Variants in GORASP1 observed in about 807,000 individuals in gnomAD.
GORASP1 encodes Golgi reassembly-stacking protein 1.
GORASP1 carries 31 observed loss-of-function variants against 37.7 expected under a neutral mutation model. The observed-to-expected ratio is 0.82, with a 90% CI of 0.62 to 1.11. The LOEUF (loss-of-function observed/expected upper bound fraction) is 1.11, where lower values mean the gene tolerates loss of function less well. GORASP1 is among the 50% of genes least tolerant of loss of function. The pLI is 0.00. For synonymous variants in GORASP1, 204 were observed against 224.8 expected (o/e 0.91, Z 0.83); for missense variants, 476 against 560.7 (o/e 0.85, Z 1.53).
Position 39,098,515 on chromosome 3 carries a change from G to A in GORASP1, c.1070-26C>T. ...CTGCAACACAGAAGATCAGGCTGAG[G>A]AGGTCTGCAAGAACCTAGGGCCATG... On this transcript the variant is annotated intron_variant, in intron 8 of 8. Coordinates refer to ENST00000319283, the MANE Select transcript of GORASP1 (RefSeq NM_031899.4). The surrounding 1 kb of genome is among the most constrained non-coding windows in gnomAD (Gnocchi z 4.7). 6.3e-7 allele frequency: 1 copy of A among 1,598,502 alleles called. No individual in the cohort carries two copies. Among genetic ancestry groups the A allele is most frequent in the Non-Finnish European group, 8.5e-7 (1 of 1,171,508 alleles).
chr3:39,103,838 T>G lies in GORASP1; in HGVS notation c.64-285A>C. ...CCTTAGGGGCTCCCAGGAGGCAATA[T>G]GGAGACAGGCTGGCCCAGGCCTGTG... On this transcript the variant is annotated intron_variant, in intron 1 of 8. Transcript: ENST00000319283. The surrounding 1 kb of genome is among the most constrained non-coding windows in gnomAD (Gnocchi z 5.2). 2.9e-6 allele frequency: 1 copy of G among 340,176 alleles called. No homozygotes were observed. Among genetic ancestry groups the G allele is most frequent in the South Asian group, 5.4e-5 (1 of 18,362 alleles). 21.1% of individuals were successfully genotyped at this position (340,176 alleles called of 1,614,324 possible).
In GORASP1 at chr3:39,101,375, A is replaced by C. The variant is rs186150843; in HGVS notation, c.349-273T>G. 8.6e-4 allele frequency: 501 copies of C among 584,262 alleles called. 1 individual carries two copies. The African/African-American group carries it at 8.8e-3, about 10-fold the overall frequency. 36.2% of individuals were successfully genotyped at this position (584,262 alleles called of 1,614,324 possible). On this transcript the variant is annotated intron_variant, in intron 3 of 8. Coordinates refer to ENST00000319283, the MANE Select transcript of GORASP1 (RefSeq NM_031899.4). ...GCTCAACCCCTGGCTCCAGCTGCCCAGCTATATGACTATAAACACATTATT... is the reference window on the plus strand; with the variant it reads ...GCTCAACCCCTGGCTCCAGCTGCCCCGCTATATGACTATAAACACATTATT...
intron 1 of GORASP1, among the ~76,000 whole-genome samples, chr3:39,106,145 T>G (rs1054032280): frequency 2.0e-5 from 3 of 152,188 alleles, no homozygotes; most frequent in Non-Finnish European, 4.4e-5. Flanking sequence ...ATCATCCAAA[T>G]GTCAGCTCCA....
rs760713395 is a variant in GORASP1 at position 39,100,546 on chromosome 3, G to A, written c.567-43C>T. 13 of 1,520,886 alleles carry A rather than the reference G, an allele frequency of 8.5e-6. No homozygotes were observed. The highest frequency in any genetic ancestry group is 2.1e-5 in the Admixed American group (1 of 46,530). The allele number at this position is 1,520,886 out of a possible 1,614,324, so 94.2% of individuals were successfully genotyped here. A position where few individuals can be genotyped will look rare whatever the true frequency, so the allele number is the denominator to read the frequency against. ...CATTCAATCCAGGGGCTTGTCCCAC[G>A]GCCCTCCCTACCTTTGCTATCCCCA... On this transcript the variant is annotated intron_variant, in intron 5 of 8. Coordinates refer to ENST00000319283, the MANE Select transcript of GORASP1 (RefSeq NM_031899.4). The surrounding 1 kb of genome is among the most constrained non-coding windows in gnomAD (Gnocchi z 4.6).
chr3:39,102,931 G>C lies in GORASP1; in HGVS notation c.145-50C>G. 2.6e-6 allele frequency: 4 copies of C among 1,554,488 alleles called. No homozygotes were observed. Among genetic ancestry groups the C allele is most frequent in the Non-Finnish European group, 3.6e-6 (4 of 1,125,634 alleles). ...CAAGGCCACCTCATGCCCAGGCTAGGACCCTCAGACAAGTCTGGGCCTGAG... is the reference window on the plus strand; with the variant it reads ...CAAGGCCACCTCATGCCCAGGCTAGCACCCTCAGACAAGTCTGGGCCTGAG... On this transcript the variant is annotated intron_variant, in intron 2 of 8. Coordinates refer to ENST00000319283, the MANE Select transcript of GORASP1 (RefSeq NM_031899.4). This position sits in a 1 kb window ranked among gnomAD's most constrained non-coding sequence, Gnocchi z 5.0.
chr3:39,103,352 A>G lies in GORASP1; in HGVS notation c.144+121T>C. 2 of 708,158 alleles carry G rather than the reference A, an allele frequency of 2.8e-6. No individual in the cohort carries two copies. The highest frequency in any genetic ancestry group is 3.6e-5 in the South Asian group (2 of 55,048). 43.9% of individuals were successfully genotyped at this position (708,158 alleles called of 1,614,324 possible). A position where few individuals can be genotyped will look rare whatever the true frequency, so the allele number is the denominator to read the frequency against. ...GTACAGCCCTGGAAGAAGGGGAGAC[A>G]GGGCTGGGACTCCCTTTAGAAAAAA... On this transcript the variant is annotated intron_variant, in intron 2 of 8. Transcript: ENST00000319283. The surrounding 1 kb of genome is among the most constrained non-coding windows in gnomAD (Gnocchi z 5.2).
Position 39,103,829 on chromosome 3 carries a change from G to A in GORASP1, c.64-276C>T. ...CCAGGACATCCTTAGGGGCTCCCAG[G>A]AGGCAATATGGAGACAGGCTGGCCC... On this transcript the variant is annotated intron_variant, in intron 1 of 8. Coordinates refer to ENST00000319283, the MANE Select transcript of GORASP1 (RefSeq NM_031899.4). This position sits in a 1 kb window ranked among gnomAD's most constrained non-coding sequence, Gnocchi z 5.2. 2.8e-6 allele frequency: 1 copy of A among 355,678 alleles called. No individual in the cohort carries two copies. The highest frequency in any genetic ancestry group is 5.3e-5 in the South Asian group (1 of 19,040). 22.0% of individuals were successfully genotyped at this position (355,678 alleles called of 1,614,324 possible). A position where few individuals can be genotyped will look rare whatever the true frequency, so the allele number is the denominator to read the frequency against.
chr3:39,098,341 C>T lies in GORASP1; in HGVS notation c.1218G>A (p.Leu406=), dbSNP rs764178282. ...GTTCCTCCTCAGCCTGAGCTTCAAG[C>T]AGCTCGGCGGACAGCCCATCTTCTG... The part of the protein sequence containing the change: ...ASPEDGLSAE[L]LEAQAEEEPA... The change falls in exon 9 of 9, where the codon CTG becomes CTA. Residue 406 remains leucine (L), a synonymous_variant. Transcript: ENST00000319283. The surrounding 1 kb of genome is among the most constrained non-coding windows in gnomAD (Gnocchi z 4.7). 7 of 1,614,212 alleles carry T rather than the reference C, an allele frequency of 4.3e-6. No homozygotes were observed. The highest frequency in any genetic ancestry group is 3.3e-5 in the Admixed American group (2 of 60,022).
chr3:39,106,119 C>G (rs1203443034), intron 1 of GORASP1, among the ~76,000 whole-genome samples: 2 of 151,948 alleles, frequency 1.3e-5, no homozygotes, highest in African/African-American at 2.4e-5. Context: ...TTTTTCATTT[C>G]CCTTCTTTCC....
intron 1 of GORASP1, chr3:39,107,077 C>T (rs1174590074): frequency 8.5e-6 from 4 of 467,886 alleles, no homozygotes; most frequent in African/African-American, 7.9e-5. Context: ...CTCGGCGTGG[C>T]TGACTCTCTT....
In GORASP1 at chr3:39,099,522, T is replaced by C. The variant is rs2035561342; in HGVS notation, c.766-19A>G. 1 of 1,604,400 alleles carries C rather than the reference T, an allele frequency of 6.2e-7. No individual in the cohort carries two copies. The highest frequency in any genetic ancestry group is 8.5e-7 in the Non-Finnish European group (1 of 1,176,080). ...GCAGGGCCTAGGAAAGAAGAAGAAA[T>C]GGGTAGGGGACAATCAGGACAGTGC... On this transcript the variant is annotated intron_variant, in intron 6 of 8. Transcript: ENST00000319283.
rs1431755625 is a variant in GORASP1, at chr3:39,096,688, TTTTCA to T, written c.*1543_*1547del. Reference sequence around the variant, plus strand: ...TATTTCAAAGTGTAGTACACATTTATTTTCATTTGTTATTTTCTTTCATAGCAGAT... The same window carrying T: ...TATTTCAAAGTGTAGTACACATTTATTTTGTTATTTTCTTTCATAGCAGAT... On this transcript the variant is annotated 3_prime_UTR_variant, in exon 9 of 9. Transcript: ENST00000319283. 1 of 152,208 alleles carries T rather than the reference TTTTCA, an allele frequency of 6.6e-6. No homozygotes were observed. Among genetic ancestry groups the T allele is most frequent in the African/African-American group, 2.4e-5 (1 of 41,452 alleles). The allele number at this position is 152,208 out of a possible 1,614,324, so 9.4% of individuals were successfully genotyped here. A position where few individuals can be genotyped will look rare whatever the true frequency, so the allele number is the denominator to read the frequency against.
rs1259421905 is a variant in GORASP1 at position 39,096,642 on chromosome 3, G to A, written c.*1594C>T. 6.6e-6 allele frequency: 1 copy of A among 152,154 alleles called. No individual in the cohort carries two copies. The highest frequency in any genetic ancestry group is 1.5e-5 in the Non-Finnish European group (1 of 68,028). The allele number at this position is 152,154 out of a possible 1,614,324, so 9.4% of individuals were successfully genotyped here. A position where few individuals can be genotyped will look rare whatever the true frequency, so the allele number is the denominator to read the frequency against. ...AAAATCTGTATTTCACAGTTGTATA[G>A]AATAAAGGCTTTAGTTAAAATATTT... On this transcript the variant is annotated 3_prime_UTR_variant, in exon 9 of 9. Transcript: ENST00000319283.
Position 39,099,389 on chromosome 3 carries a change from G to A in GORASP1, c.880C>T (p.Gln294Ter). The A allele has an allele frequency of 6.2e-7, 1 of 1,613,664 alleles. No homozygotes were observed. The highest frequency in any genetic ancestry group is 8.5e-7 in the Non-Finnish European group (1 of 1,179,840). Reference sequence around the variant, plus strand: ...ACTCGCTGCACTGGAGGTGGGGGCTGAAGAGGAGTCTCCATGAAATGGGGA... The same window carrying A: ...ACTCGCTGCACTGGAGGTGGGGGCTAAAGAGGAGTCTCCATGAAATGGGGA... The part of the protein sequence containing the change: ...GLPHFMETPL[Q>*]PPPPVQRVMD... Residue 294 changes from glutamine to a stop codon, truncating the protein, a stop_gained, in exon 7 of 9, where the codon CAG (glutamine) becomes TAG (stop). Coordinates refer to ENST00000319283, the MANE Select transcript of GORASP1 (RefSeq NM_031899.4). LOFTEE classifies it high-confidence loss of function.
chr3:39,100,488 A>G lies in GORASP1; in HGVS notation c.582T>C (p.Ile194=). 6.3e-7 allele frequency: 1 copy of G among 1,576,606 alleles called. No individual in the cohort carries two copies. Reference sequence around the variant, plus strand: ...GGATCCGGTGTAGATACCCATAGCCAATGCCACATCCCAGACTGCCGAAGG... The same window carrying G: ...GGATCCGGTGTAGATACCCATAGCCGATGCCACATCCCAGACTGCCGAAGG... ...WGGEGSLGCG[I]GYGYLHRIPT... Residue 194 remains isoleucine, a synonymous_variant, in exon 6 of 9, where the codon ATT becomes ATC. Coordinates refer to ENST00000319283, the MANE Select transcript of GORASP1 (RefSeq NM_031899.4). The surrounding 1 kb of genome is among the most constrained non-coding windows in gnomAD (Gnocchi z 4.6).
chr3:39,102,815 C>T lies in GORASP1; in HGVS notation c.211G>A (p.Val71Met). The change falls in exon 3 of 9, where the codon GTG becomes ATG. Residue 71 changes from valine to methionine, a missense_variant. Val to Met is a conservative substitution (Grantham distance 21, BLOSUM62 1). Transcript: ENST00000319283. The surrounding 1 kb of genome is among the most constrained non-coding windows in gnomAD (Gnocchi z 5.0). ...ACCCTCATGGTCTTCATATTGAACACCTCCAGCTTCACGGGCTTCTCCACA... is the reference window on the plus strand; with the variant it reads ...ACCCTCATGGTCTTCATATTGAACATCTCCAGCTTCACGGGCTTCTCCACA... ...ANVEKPVKLE[V>M]FNMKTMRVRE... The T allele has an allele frequency of 1.2e-6, 2 of 1,614,218 alleles. No individual in the cohort carries two copies. Among genetic ancestry groups the T allele is most frequent in the African/African-American group, 1.3e-5 (1 of 75,044 alleles).
rs772078523 is a variant in GORASP1, at chr3:39,100,538, T to G, written c.567-35A>C. The stretch of plus-strand genomic sequence containing the variant: ...GCCAGAAACATTCAATCCAGGGGCT[T>G]GTCCCACGGCCCTCCCTACCTTTGC... On this transcript the variant is annotated intron_variant, in intron 5 of 8. Coordinates refer to ENST00000319283, the MANE Select transcript of GORASP1 (RefSeq NM_031899.4). This position sits in a 1 kb window ranked among gnomAD's most constrained non-coding sequence, Gnocchi z 4.6. 32 of 1,530,242 alleles carry G rather than the reference T, an allele frequency of 2.1e-5. No homozygotes were observed. The Admixed American group carries it at 2.9e-4, about 14-fold the overall frequency. 94.8% of individuals were successfully genotyped at this position (1,530,242 alleles called of 1,614,324 possible).
chr3:39,101,166 G>A (rs2035685375), intron 3 of GORASP1, 64 bp from the exon 4 acceptor site: 2 of 1,464,556 alleles, frequency 1.4e-6, no homozygotes, highest in African/African-American at 1.4e-5. Flanking sequence ...ATGGGAAAGG[G>A]CAGGGGGAAC....
At chr3:39,099,608 C>G (rs1307577551) in intron 6 of GORASP1, 105 bp from the exon 7 acceptor site, 20 of 1,161,298 alleles carry the variant, frequency 1.7e-5, no homozygotes, top group Non-Finnish European at 2.4e-5. Flanking sequence ...CCCAGGAACA[C>G]TGCTCTGCCT....
Sources: gnomAD v4.1 joint callset for allele counts (sites outside exome capture counted in the v4.1 genomes callset) on GRCh38, gnomAD v4.1.1 for gene constraint, Gnocchi (gnomAD v3.1) non-coding constraint, MANE v1.5 for transcripts, NCBI Gene and HGNC (gene_info 2026-07-23, HGNC 2026-07-21) for gene names.